IQCM: variants seen among roughly 807,000 people sequenced by gnomAD.
The protein encoded by IQCM is IQ domain-containing protein M.
IQCM carries 45 observed loss-of-function variants against 57.6 expected under a neutral mutation model. The ratio of observed to expected loss-of-function variants is 0.78; its 90% CI spans 0.62 to 1.00. The LOEUF (loss-of-function observed/expected upper bound fraction) is 1.00. Among genes scored for constraint, IQCM ranks in the 50% least tolerant of loss-of-function variants. The pLI, the probability that IQCM is intolerant of heterozygous loss-of-function variation, is 0.00. For missense variants in IQCM, 468 were observed against 511.6 expected (o/e 0.91, Z 0.82); for synonymous variants, 148 against 158.9 (o/e 0.93, Z 0.51).
At chr4:149,443,345 T>C (rs1736162189) in intron 12 of IQCM, among the ~76,000 whole-genome samples, 1 of 152,072 alleles carries the variant, frequency 6.6e-6, no homozygotes, top group Admixed American at 6.6e-5. Context: ...ATGAAGTTCA[T>C]GACAAGCTTA....
intron 12 of IQCM, among the ~76,000 whole-genome samples, chr4:149,526,162 A>T (rs752411312): frequency 2.6e-5 from 4 of 151,938 alleles, no homozygotes; most frequent in Admixed American, 6.6e-5. Context: ...ACTTTTATCC[A>T]ACAATTTTAC....
chr4:149,381,116 C>T (rs59782062), intron 13 of IQCM, among the ~76,000 whole-genome samples: 23,218 of 152,076 alleles, frequency 0.15, 2,142 homozygotes, highest in South Asian at 0.33. Context: ...GACTTTGATT[C>T]ATTTTTTCTC....
chr4:149,606,216 C>T (rs1754763648), intron 8 of IQCM, among the ~76,000 whole-genome samples: 1 of 152,164 alleles, frequency 6.6e-6, no homozygotes, highest in South Asian at 2.1e-4. Context: ...ATCACCCCTC[C>T]CCCAGCTCCA....
chr4:149,422,398 C>G (rs1734179842), intron 13 of IQCM, among the ~76,000 whole-genome samples: 1 of 151,868 alleles, frequency 6.6e-6, no homozygotes. Flanking sequence ...CACCTCTACT[C>G]CCAAGAAAGC....
chr4:149,493,820 A>G (rs1214410874), intron 12 of IQCM, among the ~76,000 whole-genome samples: 1 of 151,750 alleles, frequency 6.6e-6, no homozygotes, highest in African/African-American at 2.4e-5. Flanking sequence ...TTCACTGAGG[A>G]GAAAAAAAAA....
At chr4:149,591,478 T>C (rs1296804820) in intron 8 of IQCM, among the ~76,000 whole-genome samples, 1 of 152,032 alleles carries the variant, frequency 6.6e-6, no homozygotes, top group Non-Finnish European at 1.5e-5. Flanking sequence ...ATACTTTAAG[T>C]TCTAGGGTAC....
chr4:149,540,352 A>C (rs1747727313), intron 12 of IQCM, among the ~76,000 whole-genome samples: 1 of 150,806 alleles, frequency 6.6e-6, no homozygotes, highest in African/African-American at 2.4e-5. Flanking sequence ...GTTGACAGCT[A>C]ATATTGCAGA....
chr4:149,726,169 TC>T (rs1765926581), intron 5 of IQCM, among the ~76,000 whole-genome samples: 1 of 151,182 alleles, frequency 6.6e-6, no homozygotes. Context: ...TTTCATTTTT[TC>T]ATAGCAAACT....
intron 5 of IQCM, among the ~76,000 whole-genome samples, chr4:149,695,088 A>G (rs1471450819): frequency 6.6e-6 from 1 of 152,182 alleles, no homozygotes; most frequent in Non-Finnish European, 1.5e-5. Flanking sequence ...TAGATGTCAT[A>G]TAATTTTCTA....
intron 12 of IQCM, among the ~76,000 whole-genome samples, chr4:149,485,887 A>G (rs1741424336): frequency 6.6e-6 from 1 of 152,180 alleles, no homozygotes; most frequent in East Asian, 1.9e-4. Flanking sequence ...AATTAGCCCA[A>G]TAATGCTGTG....
At chr4:149,573,877 C>G (rs1361887067) in intron 9 of IQCM, among the ~76,000 whole-genome samples, 4 of 152,084 alleles carry the variant, frequency 2.6e-5, no homozygotes, top group Admixed American at 2.6e-4. Flanking sequence ...TCCAAGCCTT[C>G]TTGATCCTCT....
intron 2 of IQCM, among the ~76,000 whole-genome samples, chr4:149,747,167 TAAGAA>T (rs61266267): frequency 0.11 from 16,325 of 151,942 alleles, 1,347 homozygotes; most frequent in African/African-American, 0.21. Flanking sequence ...ACAATAGGAA[TAAGAA>T]AAGAGAAAGG....
At chr4:149,527,593 T>C (rs1278400722) in intron 12 of IQCM, among the ~76,000 whole-genome samples, 1 of 152,204 alleles carries the variant, frequency 6.6e-6, no homozygotes. Context: ...ACCCACGCTA[T>C]AGTATTTTGT....
chr4:149,414,601 A>T (rs1315319666), intron 13 of IQCM, among the ~76,000 whole-genome samples: 2 of 152,106 alleles, frequency 1.3e-5, no homozygotes, highest in African/African-American at 4.8e-5. Flanking sequence ...CTTTCATTTT[A>T]TCTTTTCCTC....
intron 13 of IQCM, among the ~76,000 whole-genome samples, chr4:149,366,640 G>C (rs7699663): frequency 0.28 from 42,808 of 151,508 alleles, 6,172 homozygotes; most frequent in Middle Eastern, 0.33. Flanking sequence ...GTGGAAAGTC[G>C]ATTAGCTTAG....
chr4:149,381,790 A>G (rs1731096888), intron 13 of IQCM, among the ~76,000 whole-genome samples: 1 of 151,644 alleles, frequency 6.6e-6, no homozygotes, highest in Non-Finnish European at 1.5e-5. Context: ...TGGAGTTTGG[A>G]TGGAGTTTAG....
chr4:149,441,782 G>C (rs1735965190), intron 12 of IQCM, among the ~76,000 whole-genome samples: 1 of 152,112 alleles, frequency 6.6e-6, no homozygotes, highest in Non-Finnish European at 1.5e-5. Flanking sequence ...CCTATGATTT[G>C]AATGTTTGTT....
intron 8 of IQCM, among the ~76,000 whole-genome samples, chr4:149,603,942 A>G (rs544556702): frequency 6.6e-6 from 1 of 152,160 alleles, no homozygotes; most frequent in South Asian, 2.1e-4. Context: ...TATCTTTCCT[A>G]GTCTCCTTCA....
intron 9 of IQCM, among the ~76,000 whole-genome samples, chr4:149,578,208 C>T (rs1410951248): frequency 6.6e-6 from 1 of 151,672 alleles, no homozygotes; most frequent in Non-Finnish European, 1.5e-5. Flanking sequence ...CCTTTTATAT[C>T]TTTATATTCT....
Sources: allele counts gnomAD v4.1 joint callset (sites outside exome capture counted in the v4.1 genomes callset), GRCh38; gene constraint gnomAD v4.1.1; transcripts MANE v1.5; gene names NCBI Gene and HGNC (gene_info 2026-07-23, HGNC 2026-07-21).